The following COL6A3 variants were observed in gnomAD, a reference collection of about 807,000 sequenced individuals.
The protein encoded by COL6A3 is collagen alpha-3(VI) chain.
A neutral mutation model predicts 274.1 loss-of-function variants in COL6A3; 137 were observed. The ratio of observed to expected loss-of-function variants is 0.50; its 90% confidence interval spans 0.44 to 0.58. The LOEUF is 0.58. COL6A3 is among the 20% of genes least tolerant of loss of function. The probability of loss-of-function intolerance (pLI) is 0.00; values close to 1 mark genes in which losing one functional copy is unlikely to be tolerated. For synonymous variants in COL6A3, 1,650 were observed against 1,650.6 expected, an observed-to-expected ratio of 1.00 and a Z score of 0.01; for missense variants, 3,950 against 4,124.9, an observed-to-expected ratio of 0.96 and a Z score of 1.16.
intron 13 of COL6A3, 75 bp from the exon 14 acceptor site, chr2:237,363,473 T>C: frequency 1.3e-6 from 2 of 1,549,768 alleles, no homozygotes; most frequent in Non-Finnish European, 1.8e-6. Flanking sequence ...CCTGACTACA[T>C]TTTTAAAGAA....
At chr2:237,384,932 C>T (rs1316223707) in intron 4 of COL6A3, among the ~76,000 whole-genome samples, 2 of 152,166 alleles carry the variant, frequency 1.3e-5, no homozygotes, top group Non-Finnish European at 1.5e-5. Flanking sequence ...AGCTACACTG[C>T]CTTCTGACAG....
intron 26 of COL6A3, among the ~76,000 whole-genome samples, 176 bp from the exon 27 acceptor site, chr2:237,351,368 A>G (rs376407324): frequency 1.3e-5 from 2 of 152,222 alleles, no homozygotes; most frequent in East Asian, 3.8e-4. Flanking sequence ...CTCAAATATA[A>G]ACATGCACAG....
At chr2:237,336,775 A>G (rs1350299434) in intron 39 of COL6A3, among the ~76,000 whole-genome samples, 1 of 152,244 alleles carries the variant, frequency 6.6e-6, no homozygotes, top group African/African-American at 2.4e-5. Context: ...TTGTTCTACA[A>G]AAACATCTTT....
chr2:237,361,303 T>C lies in COL6A3; in HGVS notation c.6157-129A>G. The C allele has an allele frequency of 1.2e-6, 1 of 801,890 alleles. No homozygotes were observed. The highest frequency in any genetic ancestry group is 2.2e-6 in the Non-Finnish European group (1 of 464,328). 49.7% of individuals were successfully genotyped at this position (801,890 alleles called of 1,614,324 possible). A position where few individuals can be genotyped will look rare whatever the true frequency, so the allele number is the denominator to read the frequency against. ...TCAGCATGGCTTTCCCTGTTACTGC[T>C]TTTCCCCTCAGTACACCATGTCACG... On this transcript the variant is annotated intron_variant, in intron 15 of 43. Coordinates refer to ENST00000295550, the MANE Select transcript of COL6A3 (RefSeq NM_004369.4). This position sits in a 1 kb window ranked among gnomAD's most constrained non-coding sequence, Gnocchi z 5.1.
In COL6A3 at chr2:237,361,809, C is replaced by T. The variant is rs758893173; in HGVS notation, c.6086G>A (p.Cys2029Tyr). 6.2e-7 allele frequency: 1 copy of T among 1,614,188 alleles called. No individual in the cohort carries two copies. Among genetic ancestry groups the T allele is most frequent in the Non-Finnish European group, 8.5e-7 (1 of 1,180,038 alleles). ...AGAGCACTTGCAGGGAACCCCACAGCAAGCTTTCTCGGCAATGTTGTCCTA... is the reference window on the plus strand; with the variant it reads ...AGAGCACTTGCAGGGAACCCCACAGTAAGCTTTCTCGGCAATGTTGTCCTA... ...EQLDNIAEKACCGVPCKCSGQ... is the reference protein window; with the variant it reads ...EQLDNIAEKAYCGVPCKCSGQ... The change falls in exon 15 of 44, where the codon TGC (cysteine) becomes TAC (tyrosine). Residue 2029 changes from cysteine (C) to tyrosine (Y), a missense_variant. By Grantham distance (194) the Cys-to-Tyr change is radical. Coordinates refer to ENST00000295550, the MANE Select transcript of COL6A3 (RefSeq NM_004369.4). The surrounding 1 kb of genome is among the most constrained non-coding windows in gnomAD (Gnocchi z 5.1).
chr2:237,342,803 T>C (rs12105704), intron 36 of COL6A3: 2,580 of 153,992 alleles, frequency 0.017, 81 homozygotes, highest in African/African-American at 0.058. Flanking sequence ...TGTGAATGAA[T>C]CCCCCCATCA....
At chr2:237,383,359 T>C (rs1210168829) in intron 4 of COL6A3, among the ~76,000 whole-genome samples, 1 of 152,242 alleles carries the variant, frequency 6.6e-6, no homozygotes, top group African/African-American at 2.4e-5. Context: ...TTCTCAATAT[T>C]TCATGGTCAT....
At chr2:237,369,551 G>A (rs1048528052) in intron 9 of COL6A3, among the ~76,000 whole-genome samples, 1 of 152,182 alleles carries the variant, frequency 6.6e-6, no homozygotes, top group Non-Finnish European at 1.5e-5. Flanking sequence ...AGGCCACTGG[G>A]ATCTATATCT....
rs2078919041 is a variant in COL6A3, at chr2:237,414,058, C to G, written c.-136G>C. 6.6e-6 allele frequency: 1 copy of G among 152,174 alleles called. No homozygotes were observed. 9.4% of individuals were successfully genotyped at this position (152,174 alleles called of 1,614,324 possible). On this transcript the variant is annotated 5_prime_UTR_variant, in exon 1 of 44. Transcript: ENST00000295550. Reference sequence around the variant, plus strand: ...ACTGCGTCTCTTTTTCTTTTTGCAGCCTTTCTCCACCAAAAAAGTGGAGAC... The same window carrying G: ...ACTGCGTCTCTTTTTCTTTTTGCAGGCTTTCTCCACCAAAAAAGTGGAGAC...
At chr2:237,341,543 T>TAAAAAAAAAAAAAAA (rs71039760) in intron 37 of COL6A3, among the ~76,000 whole-genome samples, 2 of 49,098 alleles carry the variant, frequency 4.1e-5, no homozygotes, top group African/African-American at 1.8e-4. Context: ...AGACTCTGTC[T>TAAAAAAAAAAAAAAA]AAAAAAAAAA....
intron 1 of COL6A3, among the ~76,000 whole-genome samples, chr2:237,410,428 C>T (rs1159445154): frequency 3.3e-5 from 5 of 151,590 alleles, no homozygotes; most frequent in Non-Finnish European, 5.9e-5. Flanking sequence ...AACTCAGCCT[C>T]GTAGCTGAGA....
chr2:237,369,044 C>T lies in COL6A3; in HGVS notation c.4419G>A (p.Val1473=). The T allele has an allele frequency of 6.2e-7, 1 of 1,614,216 alleles. No homozygotes were observed. Among genetic ancestry groups the T allele is most frequent in the East Asian group, 2.2e-5 (1 of 44,884 alleles). ...VRRLNIGPSK[V]RVGVVQFSND... ...TGCTGAACTGCACGACCCCAACTCT[C>T]ACTTTACTGGGGCCGATGTTGAGTC... The change falls in exon 10 of 44, where the codon GTG becomes GTA. Residue 1473 remains valine (V), a synonymous_variant. Transcript: ENST00000295550.
intron 23 of COL6A3, 77 bp from the exon 24 acceptor site, chr2:237,355,011 T>G: frequency 7.5e-7 from 1 of 1,341,094 alleles, no homozygotes; most frequent in South Asian, 1.2e-5. Context: ...TCTTTCAGAC[T>G]TCACCCTCTT....
chr2:237,327,092 T>C (rs1360879308), intron 42 of COL6A3: 1 of 152,130 alleles, frequency 6.6e-6, no homozygotes, highest in Admixed American at 6.5e-5. Context: ...CAACCTTCTT[T>C]CTCTCAAATA....
At chr2:237,346,596 T>C in intron 31 of COL6A3, 31 bp from the exon 32 acceptor site, 5 of 1,600,130 alleles carry the variant, frequency 3.1e-6, no homozygotes, top group Non-Finnish European at 4.3e-6. Flanking sequence ...ATTGTTCAAC[T>C]GTGTCAGAAA....
Position 237,376,990 on chromosome 2 carries a change from C to A in COL6A3, c.2852G>T (p.Arg951Met). Residue 951 changes from arginine to methionine, a missense_variant, in exon 7 of 44, where the codon AGG becomes ATG. Physicochemically the swap from Arg to Met is moderately conservative, Grantham distance 91. Around this residue, in one of 5 missense-constraint regions of COL6A3, gnomAD observed 1,934 missense variants for 1,984.3 expected, o/e 0.97. Coordinates refer to ENST00000295550, the MANE Select transcript of COL6A3 (RefSeq NM_004369.4). ...LQFLVLLVAGRSSDRVDGPAS... is the reference protein window; with the variant it reads ...LQFLVLLVAGMSSDRVDGPAS... ...TGGCCCATCCACACGGTCAGATGAC[C>A]TTCCTGCGACCAGCAGCACCAGGAA... 6.2e-7 allele frequency: 1 copy of A among 1,614,232 alleles called. No homozygotes were observed. The highest frequency in any genetic ancestry group is 8.5e-7 in the Non-Finnish European group (1 of 1,180,036).
In COL6A3 at chr2:237,376,869, C is replaced by T. The variant is rs541545591; in HGVS notation, c.2973G>A (p.Ala991=). ...AELEQIVLSP[A]FILAAESLPK... ...GAAGCGACTCTGCAGCCAGGATAAA[C>T]GCTGGAGACAGCACGATCTGCTCTA... The change falls in exon 7 of 44, where the codon GCG becomes GCA. Residue 991 remains alanine (A), a synonymous_variant. Coordinates refer to ENST00000295550, the MANE Select transcript of COL6A3 (RefSeq NM_004369.4). The T allele has an allele frequency of 2.2e-5, 35 of 1,614,234 alleles. No individual in the cohort carries two copies. The highest frequency in any genetic ancestry group is 8.8e-5 in the South Asian group (8 of 91,088).
Position 237,333,565 on chromosome 2 carries a change from T to C in COL6A3, c.9230-17A>G, listed in dbSNP as rs779960400. The C allele has an allele frequency of 2.5e-6, 4 of 1,603,550 alleles. No individual in the cohort carries two copies. The highest frequency in any genetic ancestry group is 3.4e-6 in the Non-Finnish European group (4 of 1,170,564). On this transcript the variant is annotated splice_polypyrimidine_tract_variant and intron_variant, in intron 41 of 43. Transcript: ENST00000295550. ...GAGATTTCTCTATAAAAGAAAAATA[T>C]ATGCAACTCGTAGGTAAATCAGAAA... is the stretch of plus-strand genomic sequence containing the variant.
At chr2:237,396,945 C>CTTG in intron 1 of COL6A3, 98 bp from the exon 2 acceptor site, 1 of 808,476 alleles carries the variant, frequency 1.2e-6, no homozygotes, top group Non-Finnish European at 2.1e-6. Context: ...TTTTAGACTT[C>CTTG]CAAGAAGACT....
Sources: gnomAD v4.1 joint callset for allele counts (sites outside exome capture counted in the v4.1 genomes callset) on GRCh38, gnomAD v4.1.1 for gene constraint, gnomAD v4.1.1 regional missense constraint, Gnocchi (gnomAD v3.1) non-coding constraint, MANE v1.5 for transcripts, NCBI Gene and HGNC (gene_info 2026-07-23, HGNC 2026-07-21) for gene names.